DCDC2: variants seen among roughly 807,000 people sequenced by gnomAD.
DCDC2 encodes doublecortin domain containing 2.
DCDC2 carries 40 observed loss-of-function variants against 50.2 expected under a neutral mutation model. The ratio of observed to expected loss-of-function variants is 0.80; its 90% CI spans 0.62 to 1.04. The LOEUF (loss-of-function observed/expected upper bound fraction) is 1.04, where lower values mean the gene tolerates loss of function less well. Among genes scored for constraint, DCDC2 ranks in the 50% least tolerant of loss-of-function variants. DCDC2 has a pLI of 0.00. For missense variants in DCDC2, 570 were observed against 581.9 expected, an observed-to-expected ratio of 0.98 and a Z score of 0.21; for synonymous variants, 234 against 210.6, an observed-to-expected ratio of 1.11 and a Z score of -0.96.
upstream of DCDC2, among the ~76,000 whole-genome samples, chr6:24,358,760 TA>T (rs1385626187): frequency 7.7e-4 from 59 of 76,296 alleles, 2 homozygotes; most frequent in Admixed American, 2.8e-3. Context: ...TTTATTTATA[TA>T]TTATATATTT....
chr6:24,380,988 G>T, the DCDC2 span, among the ~76,000 whole-genome samples: 1 of 151,840 alleles, frequency 6.6e-6, no homozygotes, highest in Non-Finnish European at 1.5e-5. Context: ...GGAGGCTGAG[G>T]TGGGAGGATC....
In DCDC2 at chr6:24,229,407, T is replaced by C. The variant is rs576493528; in HGVS notation, c.923-24305A>G. Among the ~76,000 whole-genome samples the C allele has an allele frequency of 2.9e-4, 44 of 152,314 alleles. 1 individual carries two copies. The highest frequency in any genetic ancestry group is 1.3e-4 in the Non-Finnish European group (9 of 68,022). On this transcript the variant is annotated intron_variant, in intron 7 of 9. Coordinates refer to ENST00000378454, the MANE Select transcript of DCDC2 (RefSeq NM_016356.5). ...ACATTTAAAGGACCTTATGATTACA[T>C]TGGACCCACCACAGTAATTCAGGAT...
rs1327921183 is a variant in DCDC2, at chr6:24,291,476, ACTTTTT to A, written c.558-404_558-399del. 7.4e-5 allele frequency among the ~76,000 whole-genome samples: 9 copies of A among 122,224 alleles called. No homozygotes were observed. The South Asian group carries it at 1.0e-3, about 14-fold the overall frequency. 80.2% of individuals were successfully genotyped at this position (122,224 alleles called of 152,430 possible). A position where few individuals can be genotyped will look rare whatever the true frequency, so the allele number is the denominator to read the frequency against. ...ATTCTTCTATTTATATTTTGTTAAT[ACTTTTT>A]TTTTTTTTTTTTTTTTTTTTTGAGA... On this transcript the variant is annotated intron_variant, in intron 4 of 9. Coordinates refer to ENST00000378454, the MANE Select transcript of DCDC2 (RefSeq NM_016356.5).
intron 2 of DCDC2, among the ~76,000 whole-genome samples, chr6:24,312,423 T>C (rs1384402002): frequency 6.6e-6 from 1 of 152,134 alleles, no homozygotes; most frequent in Non-Finnish European, 1.5e-5. Context: ...GGAAATATTT[T>C]GGAAAGAATC....
At chr6:24,210,596 C>T (rs1425437826) in intron 7 of DCDC2, among the ~76,000 whole-genome samples, 1 of 152,214 alleles carries the variant, frequency 6.6e-6, no homozygotes, top group Admixed American at 6.5e-5. Context: ...TCTCCACTCC[C>T]AACTTGGTCT....
chr6:24,281,872 G>T (rs1193100769), intron 6 of DCDC2, among the ~76,000 whole-genome samples: 1 of 152,114 alleles, frequency 6.6e-6, no homozygotes, highest in Non-Finnish European at 1.5e-5. Context: ...CAAATTTATA[G>T]ATAAGTATTA....
the DCDC2 span, among the ~76,000 whole-genome samples, chr6:24,373,929 G>A: frequency 5.9e-5 from 9 of 151,770 alleles, no homozygotes; most frequent in South Asian, 1.5e-3. Context: ...TTGGGAGTCC[G>A]ATGCGGGCAG....
At chr6:24,328,987 G>A (rs1271684148) in intron 2 of DCDC2, among the ~76,000 whole-genome samples, 1 of 152,038 alleles carries the variant, frequency 6.6e-6, no homozygotes. Context: ...AGTCTCCACA[G>A]AGGAAATTAT....
chr6:24,195,643 C>T (rs1418185984), intron 8 of DCDC2, among the ~76,000 whole-genome samples: 1 of 152,156 alleles, frequency 6.6e-6, no homozygotes, highest in Non-Finnish European at 1.5e-5. Context: ...TAATTAGGAG[C>T]AGCCCTGGCC....
intron 7 of DCDC2, among the ~76,000 whole-genome samples, chr6:24,209,874 A>C (rs913142444): frequency 1.3e-5 from 2 of 152,090 alleles, no homozygotes; most frequent in South Asian, 2.1e-4. Flanking sequence ...CCTCACCCCC[A>C]CACTTTCCCC....
intron 6 of DCDC2, among the ~76,000 whole-genome samples, chr6:24,282,545 G>A (rs1734274850): frequency 6.6e-6 from 1 of 151,994 alleles, no homozygotes; most frequent in African/African-American, 2.4e-5. Context: ...ACCTGGCCAA[G>A]ATTGGGATAC....
chr6:24,191,475 G>C (rs1201589898), intron 8 of DCDC2, among the ~76,000 whole-genome samples: 2 of 152,108 alleles, frequency 1.3e-5, no homozygotes, highest in Admixed American at 6.6e-5. Context: ...CCCAGGGACA[G>C]GTCAAAAAAC....
chr6:24,200,155 G>T (rs1761552282), intron 8 of DCDC2, among the ~76,000 whole-genome samples: 1 of 152,210 alleles, frequency 6.6e-6, no homozygotes, highest in East Asian at 1.9e-4. Flanking sequence ...AGGAAATACA[G>T]AGAACACCAC....
intron 7 of DCDC2, among the ~76,000 whole-genome samples, chr6:24,265,288 A>G (rs978356517): frequency 1.2e-4 from 19 of 152,324 alleles, no homozygotes; most frequent in African/African-American, 3.4e-4. Flanking sequence ...AATATTATTA[A>G]AGAGAGCAAT....
chr6:24,341,422 G>T (rs984240077), intron 2 of DCDC2, among the ~76,000 whole-genome samples: 1 of 151,976 alleles, frequency 6.6e-6, no homozygotes, highest in African/African-American at 2.4e-5. Flanking sequence ...ATGATACATG[G>T]GAATTTTCAT....
At chr6:24,358,914 A>ATATATTATATATAG (rs1461313525), upstream of DCDC2, among the ~76,000 whole-genome samples, 1 of 35,978 alleles carries the variant, frequency 2.8e-5, no homozygotes, top group Non-Finnish European at 4.5e-5. Flanking sequence ...ATTATATATT[A>ATATATTATATATAG]TATATATTAT....
chr6:24,288,640 G>C (rs1344223365), intron 6 of DCDC2, among the ~76,000 whole-genome samples: 1 of 152,080 alleles, frequency 6.6e-6, no homozygotes, highest in African/African-American at 2.4e-5. Context: ...TATATACAAG[G>C]AAAAAATTTT....
intron 1 of DCDC2, among the ~76,000 whole-genome samples, chr6:24,356,030 A>G (rs948204894): frequency 2.0e-5 from 3 of 152,204 alleles, no homozygotes; most frequent in African/African-American, 7.2e-5. Context: ...ACTATGGAAT[A>G]CAGAGTTACC....
At chr6:24,337,385 A>G (rs898832624) in intron 2 of DCDC2, among the ~76,000 whole-genome samples, 10 of 152,198 alleles carry the variant, frequency 6.6e-5, no homozygotes, top group Admixed American at 3.9e-4. Flanking sequence ...AACATTCAAC[A>G]TAAATATCCT....
Sources: allele counts gnomAD v4.1 joint callset (sites outside exome capture counted in the v4.1 genomes callset), GRCh38; gene constraint gnomAD v4.1.1; transcripts MANE v1.5; gene names NCBI Gene and HGNC (gene_info 2026-07-23, HGNC 2026-07-21).